The following ZNF207 variants were observed in gnomAD, a reference collection of about 807,000 sequenced individuals.
ZNF207 encodes BUB3-interacting and GLEBS motif-containing protein ZNF207.
Under a neutral mutation model 60.2 loss-of-function variants are expected in ZNF207, and 24 were observed. The observed-to-expected ratio is 0.40, with a 90% CI of 0.29 to 0.56. ZNF207 has a LOEUF of 0.56. Ranked by LOEUF, ZNF207 falls within the 20% of genes least tolerant of loss-of-function variation. The pLI, the probability that ZNF207 is intolerant of heterozygous loss-of-function variation, is 0.49. For missense variants in ZNF207, 452 were observed against 636.6 expected, an observed-to-expected ratio of 0.71 and a Z score of 3.12; for synonymous variants, 236 against 194.7, an observed-to-expected ratio of 1.21 and a Z score of -1.77.
intron 2 of ZNF207, among the ~76,000 whole-genome samples, chr17:32,354,321 T>G (rs1219087878): frequency 6.6e-6 from 1 of 151,978 alleles, no homozygotes; most frequent in East Asian, 1.9e-4. Flanking sequence ...TAAATAGAGA[T>G]GTATGCTCTG....
chr17:32,361,072 G>T (rs1469028616), intron 5 of ZNF207, 105 bp downstream of exon 5: 1 of 1,157,872 alleles, frequency 8.6e-7, no homozygotes, highest in African/African-American at 1.5e-5. Context: ...TTTGCTTCTA[G>T]AAGGTATGGG....
chr17:32,367,269 A>ATGTATG (rs1199032458), intron 9 of ZNF207, among the ~76,000 whole-genome samples: 12 of 110,312 alleles, frequency 1.1e-4, no homozygotes, highest in South Asian at 1.1e-3. Context: ...ATATATATAT[A>ATGTATG]TATATATATA....
chr17:32,379,033 C>A lies in ZNF207; in HGVS notation c.*9274C>A, dbSNP rs951706602. On this transcript the variant is annotated 3_prime_UTR_variant, in exon 12 of 12. Transcript: ENST00000394670. ...TTGTGCATATTGCTAAATTTTAAAA[C>A]ATGGATTTATCAACTGATAATAAAA... 1 of 152,046 alleles carries A rather than the reference C, an allele frequency of 6.6e-6. No individual in the cohort carries two copies. The highest frequency in any genetic ancestry group is 1.5e-5 in the Non-Finnish European group (1 of 67,922). 9.4% of individuals were successfully genotyped at this position (152,046 alleles called of 1,614,324 possible).
At chr17:32,355,279 C>T (rs576149649) in intron 2 of ZNF207, among the ~76,000 whole-genome samples, 1 of 152,190 alleles carries the variant, frequency 6.6e-6, no homozygotes, top group Non-Finnish European at 1.5e-5. Context: ...GTCCCAGCTA[C>T]TCAGGAGGCT....
rs771010722 is a variant in ZNF207 at position 32,360,427 on chromosome 17, TA to T, written c.308-169del. Among the ~76,000 whole-genome samples the T allele has an allele frequency of 1.2e-4, 19 of 152,318 alleles. 1 individual carries two copies. Among genetic ancestry groups the T allele is most frequent in the Admixed American group, 9.8e-4 (15 of 15,292 alleles). On this transcript the variant is annotated intron_variant, in intron 3 of 11. Coordinates refer to ENST00000394670, the MANE Select transcript of ZNF207 (RefSeq NM_001098507.2). Reference sequence around the variant, plus strand: ...ACAGGGAAAGAACGTTAATCTTGTTTAATATAGGGCGAAAACACATTTGAAG... The same window carrying T: ...ACAGGGAAAGAACGTTAATCTTGTTTATATAGGGCGAAAACACATTTGAAG...
chr17:32,366,562 T>G, intron 8 of ZNF207, 103 bp from the exon 9 acceptor site: 2 of 790,258 alleles, frequency 2.5e-6, no homozygotes, highest in Admixed American at 6.9e-5. Flanking sequence ...TGCATTAAAT[T>G]TTGCATTTAC....
chr17:32,350,176 C>T lies in ZNF207; in HGVS notation c.-110C>T, dbSNP rs772438699. 1.9e-6 allele frequency: 3 copies of T among 1,538,718 alleles called. No homozygotes were observed. Among genetic ancestry groups the T allele is most frequent in the Admixed American group, 1.7e-5 (1 of 58,928 alleles). On this transcript the variant is annotated 5_prime_UTR_variant, in exon 1 of 12. Transcript: ENST00000394670. ...GAGGCCGTCGGCCATTTTGTGTCTG[C>T]TTCCTGTGGGACGTGGTGGTAGCCG...
chr17:32,363,243 A>G (rs1251294960), intron 7 of ZNF207, among the ~76,000 whole-genome samples: 1 of 151,870 alleles, frequency 6.6e-6, no homozygotes, highest in Non-Finnish European at 1.5e-5. Context: ...GCCTGCTACC[A>G]CACCTGGCTA....
chr17:32,359,229 C>T (rs1456423067), intron 3 of ZNF207, among the ~76,000 whole-genome samples: 5 of 152,146 alleles, frequency 3.3e-5, no homozygotes, highest in South Asian at 2.1e-4. Flanking sequence ...TCTCCTGCCT[C>T]AGCCTTCGGA....
chr17:32,366,520 C>A, intron 8 of ZNF207, 145 bp from the exon 9 acceptor site: 1 of 511,064 alleles, frequency 2.0e-6, no homozygotes, highest in Non-Finnish European at 3.2e-6. Context: ...AATGCATTAA[C>A]TGCCTGCCTT....
chr17:32,350,409 A>G, intron 1 of ZNF207, 83 bp downstream of exon 1: 1 of 1,582,670 alleles, frequency 6.3e-7, no homozygotes, highest in South Asian at 1.1e-5. Flanking sequence ...GATTTGGCTT[A>G]CGGCGTGGAG....
At chr17:32,362,130 AAG>A (rs1491392411) in intron 6 of ZNF207, among the ~76,000 whole-genome samples, 11 of 115,448 alleles carry the variant, frequency 9.5e-5, no homozygotes, top group Admixed American at 8.4e-5. Context: ...TAAAAAAAAA[AAG>A]TGTGTGTGTG....
Position 32,375,715 on chromosome 17 carries a change from C to T in ZNF207, c.*5956C>T, listed in dbSNP as rs907213974. ...AGTAGATACTCTAAAATTATACAGA[C>T]ATGAATGTCTTTTTTAAAAGGTTGT... On this transcript the variant is annotated 3_prime_UTR_variant, in exon 12 of 12. Coordinates refer to ENST00000394670, the MANE Select transcript of ZNF207 (RefSeq NM_001098507.2). 6.6e-6 allele frequency: 1 copy of T among 152,054 alleles called. No homozygotes were observed. Among genetic ancestry groups the T allele is most frequent in the Non-Finnish European group, 1.5e-5 (1 of 67,942 alleles). 9.4% of individuals were successfully genotyped at this position (152,054 alleles called of 1,614,324 possible). A position where few individuals can be genotyped will look rare whatever the true frequency, so the allele number is the denominator to read the frequency against.
intron 11 of ZNF207, 58 bp downstream of exon 11, chr17:32,369,512 TATTAA>T (rs1178124325): frequency 6.9e-6 from 11 of 1,603,174 alleles, no homozygotes; most frequent in Non-Finnish European, 9.4e-6. Flanking sequence ...ACGCATAAAA[TATTAA>T]ATTTATCTGC....
At chr17:32,362,646 G>A in intron 6 of ZNF207, 1 of 324,938 alleles carries the variant, frequency 3.1e-6, no homozygotes, top group African/African-American at 2.1e-5. Flanking sequence ...TGTACATATT[G>A]AGAGTATATT....
chr17:32,361,341 G>A, intron 5 of ZNF207, 127 bp from the exon 6 acceptor site: 1 of 690,344 alleles, frequency 1.4e-6, no homozygotes, highest in Non-Finnish European at 2.3e-6. Context: ...AAACTAAAAT[G>A]AATATGAGGT....
chr17:32,365,647 T>G, intron 8 of ZNF207, 160 bp downstream of exon 8: 1 of 545,138 alleles, frequency 1.8e-6, no homozygotes, highest in Non-Finnish European at 2.6e-6. Context: ...ACTTCCATGT[T>G]TACACACTGA....
At position 32,369,247 on chromosome 17, in the gene ZNF207, G is replaced by A. The variant is rs1401524534; in HGVS notation, c.1165-48G>A. The stretch of plus-strand genomic sequence containing the variant: ...TTAGATGCATGCCTTTATGCTTGGT[G>A]AGCCTCTGCATTCGAGTATTTAGCC... On this transcript the variant is annotated intron_variant, in intron 10 of 11. Coordinates refer to ENST00000394670, the MANE Select transcript of ZNF207 (RefSeq NM_001098507.2). The A allele has an allele frequency of 1.9e-6, 3 of 1,590,232 alleles. No individual in the cohort carries two copies. The African/African-American group carries it at 4.0e-5, about 21-fold the overall frequency.
intron 10 of ZNF207, among the ~76,000 whole-genome samples, chr17:32,368,599 G>GATTAC (rs1905308949): frequency 6.6e-6 from 1 of 151,868 alleles, no homozygotes; most frequent in African/African-American, 2.4e-5. Context: ...GCTGAGGCGG[G>GATTAC]ATCATCAGTT....
Sources: allele counts gnomAD v4.1 joint callset (sites outside exome capture counted in the v4.1 genomes callset), GRCh38; gene constraint gnomAD v4.1.1; transcripts MANE v1.5; gene names NCBI Gene and HGNC (gene_info 2026-07-23, HGNC 2026-07-21).